MRTFB: variants seen among roughly 807,000 people sequenced by gnomAD.
MRTFB encodes myocardin related transcription factor B, also known as myocardin-related transcription factor B.
A neutral mutation model predicts 104.2 loss-of-function variants in MRTFB; 29 were observed. That is an observed-to-expected ratio of 0.28 (90% CI 0.21 to 0.38). The LOEUF (loss-of-function observed/expected upper bound fraction) is 0.38, where lower values mean the gene tolerates loss of function less well. Ranked by LOEUF, MRTFB falls within the 10% of genes least tolerant of loss-of-function variation. The pLI is 1.00. For synonymous variants in MRTFB, 535 were observed against 519.5 expected, an observed-to-expected ratio of 1.03 and a Z score of -0.41; for missense variants, 1,270 against 1,341.6, an observed-to-expected ratio of 0.95 and a Z score of 0.83.
chr16:14,039,520 G>C, the MRTFB span, among the ~76,000 whole-genome samples: 1 of 151,862 alleles, frequency 6.6e-6, no homozygotes, highest in South Asian at 2.1e-4. Context: ...GAAATTAAGA[G>C]TTTTATTTCC....
At chr16:14,230,449 A>C (rs1366559319) in intron 8 of MRTFB, among the ~76,000 whole-genome samples, 10 of 152,184 alleles carry the variant, frequency 6.6e-5, no homozygotes, top group Non-Finnish European at 1.3e-4. Flanking sequence ...AAAAACAAAC[A>C]ACCCCATCAA....
At chr16:14,127,880 G>T (rs2037200112) in intron 2 of MRTFB, among the ~76,000 whole-genome samples, 1 of 133,298 alleles carries the variant, frequency 7.5e-6, no homozygotes, top group South Asian at 2.4e-4. Context: ...TTTGTCCAGG[G>T]TGTAATTTTA....
intron 3 of MRTFB, among the ~76,000 whole-genome samples, chr16:14,168,675 TTAA>T (rs2039327900): frequency 6.6e-6 from 1 of 152,240 alleles, no homozygotes; most frequent in African/African-American, 2.4e-5. Flanking sequence ...GAGGCTAGTA[TTAA>T]TAAAGCTGCT....
At chr16:13,995,601 C>A in the MRTFB span, among the ~76,000 whole-genome samples, 1 of 152,140 alleles carries the variant, frequency 6.6e-6, no homozygotes, top group Non-Finnish European at 1.5e-5. Context: ...CTACCTGAGA[C>A]TGGGTAATTT....
the MRTFB span, among the ~76,000 whole-genome samples, chr16:13,995,996 GCA>G: frequency 2.0e-5 from 3 of 152,094 alleles, no homozygotes; most frequent in Non-Finnish European, 4.4e-5. Context: ...AGGCAGCCGG[GCA>G]CGGTGGCTCA....
chr16:14,020,269 C>T, the MRTFB span: 1 of 149,376 alleles, frequency 6.7e-6, no homozygotes, highest in African/African-American at 2.5e-5. Context: ...TTCCATCCTG[C>T]TCTACACCCT....
chr16:14,200,438 A>G, intron 3 of MRTFB: 1 of 1,609,662 alleles, frequency 6.2e-7, no homozygotes, highest in Non-Finnish European at 8.5e-7. Context: ...TAGACCAAGA[A>G]AAGTCAAAAT....
At chr16:14,208,063 G>A (rs2041026962) in intron 3 of MRTFB, among the ~76,000 whole-genome samples, 5 of 152,212 alleles carry the variant, frequency 3.3e-5, no homozygotes, top group Admixed American at 1.3e-4. Flanking sequence ...CCACACATCT[G>A]GTGTCAGAAG....
intron 2 of MRTFB, among the ~76,000 whole-genome samples, chr16:14,138,735 C>T (rs962430039): frequency 2.0e-5 from 3 of 152,124 alleles, no homozygotes; most frequent in African/African-American, 7.2e-5. Context: ...GCGGCTCGCT[C>T]ATTTTTGGGA....
the MRTFB span, among the ~76,000 whole-genome samples, chr16:14,030,880 G>A: frequency 1.3e-5 from 2 of 152,144 alleles, no homozygotes; most frequent in Non-Finnish European, 2.9e-5. Flanking sequence ...TAGGGAACAG[G>A]AATCCTGCAG....
At chr16:14,020,947 T>C in the MRTFB span, 2 of 152,218 alleles carry the variant, frequency 1.3e-5, no homozygotes, top group Non-Finnish European at 2.9e-5. Flanking sequence ...TCTCAGACAG[T>C]GTCTGAACTT....
intron 3 of MRTFB, among the ~76,000 whole-genome samples, chr16:14,159,854 C>T (rs549225209): frequency 8.6e-4 from 120 of 139,616 alleles, no homozygotes; most frequent in East Asian, 2.3e-3. Context: ...GGCGTGAACC[C>T]GGGAGGCGGA....
intron 2 of MRTFB, among the ~76,000 whole-genome samples, chr16:14,133,219 T>C (rs371157106): frequency 8.5e-5 from 13 of 152,238 alleles, no homozygotes; most frequent in African/African-American, 2.9e-4. Context: ...GCCTTGACCC[T>C]GTATCAGAAG....
intron 3 of MRTFB, among the ~76,000 whole-genome samples, chr16:14,205,462 A>G (rs959844703): frequency 2.0e-5 from 3 of 152,216 alleles, no homozygotes; most frequent in Admixed American, 6.5e-5. Context: ...AGAGAATACA[A>G]TGCTACCTGT....
intron 3 of MRTFB, among the ~76,000 whole-genome samples, chr16:14,190,439 A>C (rs1567434043): frequency 6.6e-6 from 1 of 152,250 alleles, no homozygotes; most frequent in Non-Finnish European, 1.5e-5. Flanking sequence ...GAAAAATCAA[A>C]TAAATTGAGA....
intron 3 of MRTFB, among the ~76,000 whole-genome samples, chr16:14,203,708 G>T (rs528595406): frequency 6.7e-6 from 1 of 149,630 alleles, no homozygotes; most frequent in South Asian, 2.1e-4. Context: ...GGAAGCTGAG[G>T]CACAAGAATC....
At chr16:14,229,626 T>C (rs555524835) in intron 8 of MRTFB, among the ~76,000 whole-genome samples, 2 of 152,346 alleles carry the variant, frequency 1.3e-5, no homozygotes, top group East Asian at 1.9e-4. Context: ...TGAAACAGGA[T>C]AGAGCTTTAA....
intron 3 of MRTFB, among the ~76,000 whole-genome samples, chr16:14,198,866 T>A (rs538493083): frequency 6.6e-6 from 1 of 152,238 alleles, no homozygotes; most frequent in Non-Finnish European, 1.5e-5. Context: ...CCCTTCCTAC[T>A]GCCTTCAAGG....
the MRTFB span, among the ~76,000 whole-genome samples, chr16:14,029,986 A>T: frequency 1.4e-5 from 2 of 146,688 alleles, no homozygotes; most frequent in Non-Finnish European, 1.5e-5. Context: ...AGTTGGGTGG[A>T]TGCTGGGCAT....
Sources: allele counts gnomAD v4.1 joint callset (sites outside exome capture counted in the v4.1 genomes callset), GRCh38; gene constraint gnomAD v4.1.1; transcripts MANE v1.5; gene names NCBI Gene and HGNC (gene_info 2026-07-23, HGNC 2026-07-21).